Variants in GATA3 observed in about 807,000 individuals in gnomAD.
GATA3 encodes trans-acting T-cell-specific transcription factor GATA-3.
A neutral mutation model predicts 36.0 loss-of-function variants in GATA3; 6 were observed. The observed-to-expected ratio is 0.17, with a 90% CI of 0.09 to 0.33. The LOEUF is 0.33. GATA3 is among the 10% of genes least tolerant of loss of function. The pLI is 1.00. For missense variants in GATA3, 514 were observed against 610.1 expected, an observed-to-expected ratio of 0.84 and a Z score of 1.66; for synonymous variants, 326 against 273.0, an observed-to-expected ratio of 1.19 and a Z score of -1.92.
rs200042710 is a variant in GATA3, at chr10:8,066,059, G to GT, written c.924+1929dup. On this transcript the variant is annotated intron_variant, in intron 4 of 5. Transcript: ENST00000379328. ...AATGTGTCTTGGTACCATTATAGTT[G>GT]TTTTTTTTGTTTTTTCTGTTTTTTT... Among the ~76,000 whole-genome samples, 528 of 112,870 alleles carry GT rather than the reference G, an allele frequency of 4.7e-3. 1 individual carries two copies. Among genetic ancestry groups the GT allele is most frequent in the Admixed American group, 0.011 (111 of 10,242 alleles). 74.0% of individuals were successfully genotyped at this position (112,870 alleles called of 152,430 possible).
chr10:8,056,481 G>T (rs940390395), intron 2 of GATA3, among the ~76,000 whole-genome samples: 3 of 152,120 alleles, frequency 2.0e-5, no homozygotes, highest in African/African-American at 7.2e-5. Flanking sequence ...AGTGCCTTTG[G>T]TTTTTAGACA....
rs1747356660 is a variant in GATA3, at chr10:8,054,954, AC to A, written c.-370+65del. On this transcript the variant is annotated intron_variant, in intron 1 of 5. Coordinates refer to ENST00000379328, the MANE Select transcript of GATA3 (RefSeq NM_001002295.2). This position sits in a 1 kb window ranked among gnomAD's most constrained non-coding sequence, Gnocchi z 4.2. ...TTTTTGCCCCCAACCACTTGGGAGG[AC>A]CTAAATCAATTTTAAAAACTCAACT... 6.4e-6 allele frequency: 1 copy of A among 156,204 alleles called. No homozygotes were observed. The highest frequency in any genetic ancestry group is 2.1e-4 in the South Asian group (1 of 4,812). 9.7% of individuals were successfully genotyped at this position (156,204 alleles called of 1,614,324 possible). A position where few individuals can be genotyped will look rare whatever the true frequency, so the allele number is the denominator to read the frequency against.
intron 5 of GATA3, among the ~76,000 whole-genome samples, chr10:8,072,148 C>G (rs749049785): frequency 6.6e-6 from 1 of 152,212 alleles, no homozygotes; most frequent in African/African-American, 2.4e-5. Context: ...AAGGTCTCAG[C>G]TCCAGTGTGG....
intron 5 of GATA3, among the ~76,000 whole-genome samples, chr10:8,071,799 C>G (rs1371491754): frequency 6.6e-6 from 1 of 152,148 alleles, no homozygotes; most frequent in Non-Finnish European, 1.5e-5. Context: ...GCCATAAGCT[C>G]TTTCTTCTTA....
chr10:8,058,290 C>T lies in GATA3; in HGVS notation c.242-15C>T, dbSNP rs773344946. ...CCCTCCTTCTCTCTCCTGCCCTTTC[C>T]CCGTTGCCCCACAGGGAGCCAGGTG... On this transcript the variant is annotated splice_polypyrimidine_tract_variant and intron_variant, in intron 2 of 5. Coordinates refer to ENST00000379328, the MANE Select transcript of GATA3 (RefSeq NM_001002295.2). The T allele has an allele frequency of 4.3e-6, 7 of 1,613,378 alleles. No homozygotes were observed. Among genetic ancestry groups the T allele is most frequent in the Non-Finnish European group, 5.9e-6 (7 of 1,179,966 alleles).
In GATA3 at chr10:8,056,222, A is replaced by G. The variant is rs7894006; in HGVS notation, c.241+326A>G. Among the ~76,000 whole-genome samples the G allele has an allele frequency of 0.67, 101,951 of 151,846 alleles. 35,401 individuals are homozygous for G. The highest frequency in any genetic ancestry group is 0.95 in the East Asian group (4,866 of 5,098). The stretch of plus-strand genomic sequence containing the variant: ...GGTGGGGGGTCTCGGGATGTCCCCA[A>G]GCGCGGGGTGCCCTGGCTCTGCCTC... On this transcript the variant is annotated intron_variant, in intron 2 of 5. Transcript: ENST00000379328.
chr10:8,047,703 T>A (rs1256099355), intron 1 of GATA3, among the ~76,000 whole-genome samples: 1 of 152,154 alleles, frequency 6.6e-6, no homozygotes, highest in African/African-American at 2.4e-5. Flanking sequence ...TCTGCTGGCG[T>A]TAGTGAAGAA....
chr10:8,059,478 C>G (rs891025065), intron 3 of GATA3, among the ~76,000 whole-genome samples: 8 of 152,218 alleles, frequency 5.3e-5, no homozygotes, highest in Non-Finnish European at 8.8e-5. Flanking sequence ...GAATGAAAAT[C>G]AAATGTCGCC....
intron 5 of GATA3, among the ~76,000 whole-genome samples, chr10:8,072,341 C>T (rs1342580496): frequency 2.6e-5 from 4 of 152,140 alleles, no homozygotes; most frequent in South Asian, 2.1e-4. Flanking sequence ...TGGCGGAAGG[C>T]GATGCTTTCA....
intron 1 of GATA3, among the ~76,000 whole-genome samples, chr10:8,046,596 G>T (rs1178737747): frequency 6.6e-6 from 1 of 151,814 alleles, no homozygotes; most frequent in Non-Finnish European, 1.5e-5. Flanking sequence ...CAGGCAGGTT[G>T]AGTCCATCCA....
chr10:8,057,504 A>T (rs1832659840), intron 2 of GATA3, among the ~76,000 whole-genome samples: 1 of 152,090 alleles, frequency 6.6e-6, no homozygotes, highest in African/African-American at 2.4e-5. Context: ...TCATAGCTTT[A>T]TTGAGGGTGC....
chr10:8,067,929 C>T (rs949175083), intron 4 of GATA3, among the ~76,000 whole-genome samples: 6 of 152,238 alleles, frequency 3.9e-5, no homozygotes, highest in African/African-American at 1.4e-4. Flanking sequence ...GAATTTTCTT[C>T]ATCACAGACA....
chr10:8,069,219 T>C (rs1832891972), intron 4 of GATA3, among the ~76,000 whole-genome samples: 1 of 152,026 alleles, frequency 6.6e-6, no homozygotes, highest in Non-Finnish European at 1.5e-5. Context: ...GGCTTCCTGC[T>C]CCTACCGGGG....
At chr10:8,070,365 TA>T (rs1395429606) in intron 5 of GATA3, among the ~76,000 whole-genome samples, 3 of 150,158 alleles carry the variant, frequency 2.0e-5, no homozygotes, top group African/African-American at 7.5e-5. Flanking sequence ...ATCTTAATCT[TA>T]AAAAATTTTT....
At chr10:8,063,960 C>G in intron 3 of GATA3, 33 bp from the exon 4 acceptor site, 3 of 1,614,214 alleles carry the variant, frequency 1.9e-6, no homozygotes, top group Non-Finnish European at 2.5e-6. Context: ...TGTTTTCCTT[C>G]CCTAAGTGGC....
intron 5 of GATA3, 93 bp downstream of exon 5, chr10:8,069,691 C>T (rs2131512872): frequency 7.0e-7 from 1 of 1,427,550 alleles, no homozygotes; most frequent in East Asian, 2.4e-5. Context: ...GAATCGCTCA[C>T]CATGGGGGCA....
intron 4 of GATA3, among the ~76,000 whole-genome samples, chr10:8,065,794 T>G (rs1197220455): frequency 8.5e-6 from 1 of 117,522 alleles, no homozygotes; most frequent in African/African-American, 3.3e-5. Flanking sequence ...TGGAGATAAC[T>G]CATAAACAAC....
At chr10:8,052,485 G>A (rs977509718), upstream of GATA3, 1 of 152,196 alleles carries the variant, frequency 6.6e-6, no homozygotes, top group African/African-American at 2.4e-5. Flanking sequence ...TTTCTGACGC[G>A]GGGACTTCTC....
At chr10:8,046,091 G>A (rs1387264854) in intron 1 of GATA3, among the ~76,000 whole-genome samples, 1 of 152,174 alleles carries the variant, frequency 6.6e-6, no homozygotes, top group Non-Finnish European at 1.5e-5. Flanking sequence ...GCACCCTGAG[G>A]TGGGTGAGAA....
Sources: gnomAD v4.1 joint callset for allele counts (sites outside exome capture counted in the v4.1 genomes callset) on GRCh38, gnomAD v4.1.1 for gene constraint, Gnocchi (gnomAD v3.1) non-coding constraint, MANE v1.5 for transcripts, NCBI Gene and HGNC (gene_info 2026-07-23, HGNC 2026-07-21) for gene names.